The following PSG4 variants were observed in gnomAD, a reference collection of about 807,000 sequenced individuals.
PSG4 encodes pregnancy-specific beta-1-glycoprotein 4.
Under a neutral mutation model 44.3 loss-of-function variants are expected in PSG4, and 61 were observed. That is an observed-to-expected ratio of 1.38 (90% CI 1.12 to 1.70). The LOEUF is 1.70. Ranked by LOEUF, PSG4 falls within the 40% of genes most tolerant of loss-of-function variation. The probability of loss-of-function intolerance (pLI) is 0.00; values close to 1 mark genes in which losing one functional copy is unlikely to be tolerated. For missense variants in PSG4, 677 were observed against 511.7 expected (o/e 1.32, Z -3.12); for synonymous variants, 248 against 191.3 (o/e 1.30, Z -2.45).
chr19:43,203,574 AG>A (rs1967617205), intron 2 of PSG4: 2 of 370,780 alleles, frequency 5.4e-6, no homozygotes, highest in Non-Finnish European at 9.2e-6. Context: ...TCAGTTCTCC[AG>A]GGTCTTTGTC....
At chr19:43,199,681 A>G (rs1266348619) in intron 2 of PSG4, among the ~76,000 whole-genome samples, 1 of 145,280 alleles carries the variant, frequency 6.9e-6, no homozygotes, top group African/African-American at 2.6e-5. Context: ...AAAAGTTGTC[A>G]GGAATTTAGA....
chr19:43,204,824 T>C (rs78000925), intron 1 of PSG4: 2 of 355,344 alleles, frequency 5.6e-6, no homozygotes, highest in Non-Finnish European at 1.1e-5. Flanking sequence ...CCTCTGGATG[T>C]TTCTTTTTCC....
chr19:43,201,344 G>A (rs889050015), intron 2 of PSG4, among the ~76,000 whole-genome samples: 1 of 145,648 alleles, frequency 6.9e-6, no homozygotes, highest in African/African-American at 2.6e-5. Flanking sequence ...TTATAGGAGG[G>A]AACCGAATTC....
chr19:43,199,769 T>A (rs1478140743), intron 2 of PSG4, among the ~76,000 whole-genome samples: 1 of 145,910 alleles, frequency 6.9e-6, no homozygotes, highest in Non-Finnish European at 1.5e-5. Context: ...GTGGAAACTT[T>A]TACTGATGAT....
intron 2 of PSG4, among the ~76,000 whole-genome samples, chr19:43,199,314 TG>T (rs1438987021): frequency 2.1e-5 from 3 of 145,280 alleles, no homozygotes; most frequent in Non-Finnish European, 4.5e-5. Context: ...TTGCAGGAGT[TG>T]GGATCAGGGG....
Position 43,193,265 on chromosome 19 carries a change from A to G in PSG4, c.*107T>C. 1 of 768,360 alleles carries G rather than the reference A, an allele frequency of 1.3e-6. No individual in the cohort carries two copies. The highest frequency in any genetic ancestry group is 2.4e-5 in the East Asian group (1 of 41,226). The allele number at this position is 768,360 out of a possible 1,614,324, so 47.6% of individuals were successfully genotyped here. ...TCAGGTACAAGGGTTTTCCCATGAA[A>G]TTTACATCGAGTTGTCCACCTCCAG... On this transcript the variant is annotated 3_prime_UTR_variant, in exon 6 of 6. Transcript: ENST00000405312.
rs1399745375 is a variant in PSG4 at position 43,202,915 on chromosome 19, A to G, written c.430+971T>C. 1.7e-4 allele frequency among the ~76,000 whole-genome samples: 24 copies of G among 144,698 alleles called. 5 individuals are homozygous for G. The highest frequency in any genetic ancestry group is 6.4e-4 in the African/African-American group (24 of 37,416). 94.9% of individuals were successfully genotyped at this position (144,698 alleles called of 152,430 possible). On this transcript the variant is annotated intron_variant, in intron 2 of 5. Coordinates refer to ENST00000405312, the MANE Select transcript of PSG4 (RefSeq NM_002780.5). ...GGAGAGGAAGGGCCTGTGGCTGCAGACAGACCTCATGTGACCCCGATCTCC... is the reference window on the plus strand; with the variant it reads ...GGAGAGGAAGGGCCTGTGGCTGCAGGCAGACCTCATGTGACCCCGATCTCC...
At chr19:43,195,561 C>T (rs991541445) in intron 3 of PSG4, among the ~76,000 whole-genome samples, 1 of 151,338 alleles carries the variant, frequency 6.6e-6, no homozygotes, top group Non-Finnish European at 1.5e-5. Flanking sequence ...TTGTACCCCT[C>T]CCAGTCCCTC....
At chr19:43,203,490 G>C (rs1246320182) in intron 2 of PSG4, 2 of 188,064 alleles carry the variant, frequency 1.1e-5, no homozygotes, top group Non-Finnish European at 2.1e-5. Context: ...TTTAGGGACA[G>C]AGGTCTGGGG....
intron 4 of PSG4, 75 bp from the exon 5 acceptor site, chr19:43,194,669 C>G: frequency 6.5e-7 from 1 of 1,542,590 alleles, no homozygotes; most frequent in Non-Finnish European, 8.7e-7. Context: ...TAAAGGGACA[C>G]AGTTACCCTC....
chr19:43,197,099 T>C (rs4319867), intron 3 of PSG4, among the ~76,000 whole-genome samples: 7,337 of 145,928 alleles, frequency 0.05, 813 homozygotes, highest in Non-Finnish European at 0.066. Context: ...TTGATGTTAA[T>C]GTGAATTGAA....
At chr19:43,196,491 A>G (rs1302206225) in intron 3 of PSG4, 1 of 151,614 alleles carries the variant, frequency 6.6e-6, no homozygotes, top group East Asian at 1.9e-4. Context: ...TTATTCTGAA[A>G]TATTTGTCAT....
chr19:43,203,071 C>T (rs868206557), intron 2 of PSG4: 4 of 143,260 alleles, frequency 2.8e-5, no homozygotes, highest in African/African-American at 1.1e-4. Context: ...TTAAATGATT[C>T]ACAGTCACCT....
In PSG4 at chr19:43,204,062, T is replaced by C; in HGVS notation, c.254A>G (p.Asp85Gly). 2 of 1,586,648 alleles carry C rather than the reference T, an allele frequency of 1.3e-6. No individual in the cohort carries two copies. Among genetic ancestry groups the C allele is most frequent in the Non-Finnish European group, 8.5e-7 (1 of 1,170,846 alleles). Residue 85 changes from aspartate to glycine, a missense_variant, in exon 2 of 6, where the codon GAC (aspartate) becomes GGC (glycine). Asp to Gly is a moderately conservative substitution (Grantham distance 94). Transcript: ENST00000405312. ...LYHYITSYVV[D>G]GQRIIYGPAY... ...AGGCCCATATATAATTCTTTGACCG[T>C]CTACTACATATGATGTAATGTAATG...
rs979453431 is a variant in PSG4, at chr19:43,202,590, G to C, written c.430+1296C>G. Among the ~76,000 whole-genome samples, 16 of 144,734 alleles carry C rather than the reference G, an allele frequency of 1.1e-4. 3 individuals are homozygous for C. Among genetic ancestry groups the C allele is most frequent in the African/African-American group, 1.6e-4 (6 of 37,548 alleles). The allele number at this position is 144,734 out of a possible 152,430, so 95.0% of individuals were successfully genotyped here. A position where few individuals can be genotyped will look rare whatever the true frequency, so the allele number is the denominator to read the frequency against. ...CGCTGGGCCTGTGCTGGTGCAGGGT[G>C]TGAGTGGGGAAAGAAAACAAGGTCC... On this transcript the variant is annotated intron_variant, in intron 2 of 5. Coordinates refer to ENST00000405312, the MANE Select transcript of PSG4 (RefSeq NM_002780.5).
chr19:43,202,332 A>AC (rs1298585537), intron 2 of PSG4, among the ~76,000 whole-genome samples: 10 of 143,008 alleles, frequency 7.0e-5, no homozygotes, highest in Admixed American at 6.2e-4. Flanking sequence ...AGCCCAGAGA[A>AC]CCCTCTGGTG....
chr19:43,195,075 T>C lies in PSG4; in HGVS notation c.908A>G (p.Asn303Ser), dbSNP rs1967178680. 1 of 1,611,460 alleles carries C rather than the reference T, an allele frequency of 6.2e-7. No homozygotes were observed. The highest frequency in any genetic ancestry group is 8.5e-7 in the Non-Finnish European group (1 of 1,179,076). ...RILILPNVTR[N>S]ETGPYQCEIR... Reference sequence around the variant, plus strand: ...TTCACATTGATAAGGTCCTGTTTCATTTCTCGTGACATTGGGTAGAATGAG... The same window carrying C: ...TTCACATTGATAAGGTCCTGTTTCACTTCTCGTGACATTGGGTAGAATGAG... Residue 303 changes from asparagine (N) to serine (S), a missense_variant, in exon 4 of 6, where the codon AAT becomes AGT. Coordinates refer to ENST00000405312, the MANE Select transcript of PSG4 (RefSeq NM_002780.5).
Position 43,198,137 on chromosome 19 carries a change from G to A in PSG4, c.569C>T (p.Thr190Ile), listed in dbSNP as rs1221267071. ...WWMNGQSLPM[T>I]HRLQLSKTNR... ...GGTTTTGGACAGCTGCAACCTGTGAGTCATAGGGAGGCTCTGACCATTCAT... is the reference window on the plus strand; with the variant it reads ...GGTTTTGGACAGCTGCAACCTGTGAATCATAGGGAGGCTCTGACCATTCAT... The change falls in exon 3 of 6, where the codon ACT becomes ATT. Residue 190 changes from threonine to isoleucine, a missense_variant. Physicochemically the swap from Thr to Ile is moderately conservative, Grantham distance 89. Coordinates refer to ENST00000405312, the MANE Select transcript of PSG4 (RefSeq NM_002780.5). The A allele has an allele frequency of 1.3e-6, 2 of 1,587,816 alleles. No individual in the cohort carries two copies. The highest frequency in any genetic ancestry group is 1.7e-6 in the Non-Finnish European group (2 of 1,171,940).
Position 43,194,643 on chromosome 19 carries a change from G to C in PSG4, c.989-49C>G, listed in dbSNP as rs750625211. ...TAGGTGATGTCATCCGAGGGAAGGG[G>C]ATGTTCCTGGTCTCTTAAAGGGACA... On this transcript the variant is annotated intron_variant, in intron 4 of 5. Coordinates refer to ENST00000405312, the MANE Select transcript of PSG4 (RefSeq NM_002780.5). The C allele has an allele frequency of 4.4e-6, 7 of 1,575,494 alleles. No homozygotes were observed. In the South Asian group the frequency reaches 8.3e-5, roughly 19 times the overall value.
Sources: gnomAD v4.1 joint callset for allele counts (sites outside exome capture counted in the v4.1 genomes callset) on GRCh38, gnomAD v4.1.1 for gene constraint, MANE v1.5 for transcripts, NCBI Gene and HGNC (gene_info 2026-07-23, HGNC 2026-07-21) for gene names.